RGS8: variants seen among roughly 807,000 people sequenced by gnomAD.
RGS8 encodes the protein regulator of G-protein signaling 8.
RGS8 carries 8 observed loss-of-function variants against 21.7 expected under a neutral mutation model. That is an observed-to-expected ratio of 0.37 (90% CI 0.22 to 0.66). The LOEUF (loss-of-function observed/expected upper bound fraction) is 0.66, where lower values mean the gene tolerates loss of function less well. RGS8 is among the 30% of genes least tolerant of loss of function. RGS8 has a pLI of 0.59. For synonymous variants in RGS8, 80 were observed against 83.6 expected, an observed-to-expected ratio of 0.96 and a Z score of 0.24; for missense variants, 157 against 217.9, an observed-to-expected ratio of 0.72 and a Z score of 1.76.
the RGS8 span, among the ~76,000 whole-genome samples, chr1:182,751,893 C>A: frequency 6.6e-6 from 1 of 152,172 alleles, no homozygotes; most frequent in Non-Finnish European, 1.5e-5. Context: ...ATTTGGCCTA[C>A]AATATTGGGT....
In RGS8 at chr1:182,666,854, C is replaced by T. The variant is rs371838655; in HGVS notation, c.128+18G>A. On this transcript the variant is annotated intron_variant, in intron 4 of 6. Coordinates refer to ENST00000483095, the Ensembl canonical transcript of RGS8. ...TTGCTGTATTACCCAGGGAATGGCA[C>T]GTGGCCGTACTACTCACTTGAGAGC... The T allele has an allele frequency of 6.2e-5, 98 of 1,588,172 alleles. No homozygotes were observed. Among genetic ancestry groups the T allele is most frequent in the Admixed American group, 8.3e-5 (5 of 59,968 alleles).
intron 4 of RGS8, among the ~76,000 whole-genome samples, chr1:182,666,502 C>G (rs1663867579): frequency 6.6e-6 from 1 of 152,112 alleles, no homozygotes; most frequent in South Asian, 2.1e-4. Context: ...AGAAGAGGTG[C>G]TGAATTCAGG....
the RGS8 span, among the ~76,000 whole-genome samples, chr1:182,722,246 T>C: frequency 3.3e-5 from 5 of 150,512 alleles, no homozygotes; most frequent in African/African-American, 4.9e-5. Context: ...TATGTAGTCA[T>C]TGAGAAGTCA....
chr1:182,716,773 T>C, the RGS8 span, among the ~76,000 whole-genome samples: 6 of 152,180 alleles, frequency 3.9e-5, no homozygotes, highest in African/African-American at 1.4e-4. Flanking sequence ...ATTCCGGCCC[T>C]GCCACTTTTC....
upstream of RGS8, among the ~76,000 whole-genome samples, chr1:182,689,255 A>G (rs573960482): frequency 1.4e-3 from 193 of 137,734 alleles, no homozygotes; most frequent in Admixed American, 4.1e-3. Context: ...ACGCGCACGC[A>G]CACACACAGA....
chr1:182,660,082 G>T (rs765539099), intron 5 of RGS8, among the ~76,000 whole-genome samples: 1 of 152,148 alleles, frequency 6.6e-6, no homozygotes, highest in Non-Finnish European at 1.5e-5. Context: ...TTTTCTCAAA[G>T]AATTTAATAT....
upstream of RGS8, among the ~76,000 whole-genome samples, chr1:182,673,729 T>G (rs1664266184): frequency 6.6e-6 from 1 of 152,212 alleles, no homozygotes; most frequent in South Asian, 2.1e-4. Context: ...AATTGGGGTT[T>G]AGAACTTAAG....
At chr1:182,702,010 T>C in the RGS8 span, among the ~76,000 whole-genome samples, 1 of 152,214 alleles carries the variant, frequency 6.6e-6, no homozygotes, top group Non-Finnish European at 1.5e-5. Context: ...GTTCAGCCAC[T>C]GTGGAAAGCA....
At chr1:182,657,340 T>G (rs1663333840) in intron 5 of RGS8, among the ~76,000 whole-genome samples, 1 of 152,108 alleles carries the variant, frequency 6.6e-6, no homozygotes, top group African/African-American at 2.4e-5. Flanking sequence ...ATCTTTCCCC[T>G]TTCCCTCCAC....
the RGS8 span, among the ~76,000 whole-genome samples, chr1:182,689,803 G>A: frequency 6.6e-6 from 1 of 152,164 alleles, no homozygotes; most frequent in Admixed American, 6.5e-5. Flanking sequence ...AGACTTGGGC[G>A]CAAATGGGCA....
the RGS8 span, chr1:182,733,831 T>C: frequency 1.3e-5 from 2 of 152,178 alleles, no homozygotes; most frequent in Non-Finnish European, 2.9e-5. Flanking sequence ...TAGTATTCTG[T>C]TTAATGGCAT....
At chr1:182,745,132 A>T in the RGS8 span, among the ~76,000 whole-genome samples, 1 of 152,246 alleles carries the variant, frequency 6.6e-6, no homozygotes, top group Non-Finnish European at 1.5e-5. Flanking sequence ...AATTTTGAGC[A>T]ATCTAACATT....
chr1:182,739,860 A>G, the RGS8 span, among the ~76,000 whole-genome samples: 2 of 152,104 alleles, frequency 1.3e-5, no homozygotes, highest in Admixed American at 6.6e-5. Flanking sequence ...AGTCTTCCAG[A>G]ATCTAAGCAG....
intron 3 of RGS8, 52 bp from the exon 5 acceptor site, chr1:182,667,025 G>T: frequency 1.4e-6 from 2 of 1,450,772 alleles, no homozygotes; most frequent in Non-Finnish European, 1.9e-6. Context: ...GATCACAGCT[G>T]TCAGCTCTAT....
At chr1:182,705,890 C>A in the RGS8 span, among the ~76,000 whole-genome samples, 8 of 152,190 alleles carry the variant, frequency 5.3e-5, no homozygotes, top group East Asian at 1.5e-3. Flanking sequence ...GGGTATGGGG[C>A]AGAGGACATT....
chr1:182,742,698 A>C, the RGS8 span, among the ~76,000 whole-genome samples: 1 of 152,162 alleles, frequency 6.6e-6, no homozygotes. Context: ...AGTACCGTCC[A>C]GCTTTGGCTC....
the RGS8 span, among the ~76,000 whole-genome samples, chr1:182,700,032 C>G: frequency 2.0e-5 from 3 of 152,190 alleles, no homozygotes; most frequent in Admixed American, 6.5e-5. Flanking sequence ...AGCTCGGGAT[C>G]CAGGGCGAAG....
chr1:182,741,177 TG>T, the RGS8 span, among the ~76,000 whole-genome samples: 10,148 of 118,342 alleles, frequency 0.086, 321 homozygotes, highest in East Asian at 0.15. Flanking sequence ...GCTGGCCGGG[TG>T]GGGGGCTGAC....
downstream of RGS8, chr1:182,645,748 G>T (rs974207245): frequency 6.6e-6 from 1 of 152,160 alleles, no homozygotes; most frequent in Non-Finnish European, 1.5e-5. Context: ...CGGCATGGAA[G>T]GGGGGAGGTG....
Sources: allele counts gnomAD v4.1 joint callset (sites outside exome capture counted in the v4.1 genomes callset), GRCh38; gene constraint gnomAD v4.1.1; transcripts MANE v1.5; gene names NCBI Gene and HGNC (gene_info 2026-07-23, HGNC 2026-07-21).